OSMR: variants seen among roughly 807,000 people sequenced by gnomAD.
OSMR encodes the protein oncostatin-M-specific receptor subunit beta.
In OSMR, 81 loss-of-function variants were observed where a neutral mutation model predicts 99.9. That is an observed-to-expected ratio of 0.81 (90% CI 0.68 to 0.97). OSMR has a LOEUF of 0.97. Ranked by LOEUF, OSMR falls within the 50% of genes least tolerant of loss-of-function variation. The probability of loss-of-function intolerance (pLI) is 0.00; values close to 1 mark genes in which losing one functional copy is unlikely to be tolerated. For missense variants in OSMR, 1,099 were observed against 1,153.4 expected (o/e 0.95, Z 0.68); for synonymous variants, 406 against 410.4 (o/e 0.99, Z 0.13).
chr5:38,887,920 C>T (rs1161178070), intron 7 of OSMR, among the ~76,000 whole-genome samples: 3 of 152,144 alleles, frequency 2.0e-5, no homozygotes, highest in Admixed American at 6.5e-5. Flanking sequence ...GCTACTGATA[C>T]GGCTCCAATG....
chr5:38,941,782 C>G, intron 1 of OSMR: 1 of 232,736 alleles, frequency 4.3e-6, no homozygotes, highest in Non-Finnish European at 8.5e-6. Flanking sequence ...TTAAGAAAAA[C>G]GTGAAAGGGC....
At chr5:38,880,886 C>G in intron 3 of OSMR, among the ~76,000 whole-genome samples, 1 of 152,306 alleles carries the variant, frequency 6.6e-6, no homozygotes, top group East Asian at 1.9e-4. Context: ...AAGGCTGTGT[C>G]AAAAGCCCAA....
intron 14 of OSMR, 36 bp from the exon 15 acceptor site, chr5:38,925,168 T>C: frequency 6.2e-7 from 1 of 1,612,856 alleles, no homozygotes; most frequent in Non-Finnish European, 8.5e-7. Context: ...AAAATCTTTT[T>C]TTTCCTTGAA....
Position 38,876,485 on chromosome 5 carries a change from A to G in OSMR, c.246+112A>G. ...CGTTTTGGAAATATATTAGCAGCTC[A>G]AAACAGTTTGTCTAAACAATTACAT... On this transcript the variant is annotated intron_variant, in intron 3 of 17. Transcript: ENST00000274276. 3 of 794,178 alleles carry G rather than the reference A, an allele frequency of 3.8e-6. No individual in the cohort carries two copies. In the Admixed American group the frequency reaches 6.7e-5, roughly 18 times the overall value. The allele number at this position is 794,178 out of a possible 1,614,324, so 49.2% of individuals were successfully genotyped here. A position where few individuals can be genotyped will look rare whatever the true frequency, so the allele number is the denominator to read the frequency against.
At chr5:38,859,405 C>A (rs752155198) in intron 1 of OSMR, among the ~76,000 whole-genome samples, 7 of 152,074 alleles carry the variant, frequency 4.6e-5, no homozygotes, top group Non-Finnish European at 7.4e-5. Context: ...AATCATTTGG[C>A]TGTAAAAATG....
intron 1 of OSMR, chr5:38,943,074 G>A: frequency 4.2e-6 from 3 of 721,852 alleles, no homozygotes; most frequent in South Asian, 1.9e-5. Flanking sequence ...TACAGATATG[G>A]ATTAGATGGC....
At chr5:38,898,978 A>G (rs1170715742) in intron 7 of OSMR, among the ~76,000 whole-genome samples, 1 of 64,002 alleles carries the variant, frequency 1.6e-5, no homozygotes, top group Non-Finnish European at 2.6e-5. Flanking sequence ...TTTTTTTGAG[A>G]CAGAGTCTCA....
Position 38,881,670 on chromosome 5 carries a change from C to T in OSMR, c.324C>T (p.Ala108=). 1.2e-6 allele frequency: 2 copies of T among 1,614,202 alleles called. No homozygotes were observed. Among genetic ancestry groups the T allele is most frequent in the Non-Finnish European group, 1.7e-6 (2 of 1,180,024 alleles). ...AATCTGAGCTCCCTTTGGAATGTGC[C>T]ACACACTTTGTAAGAATAAAGAGTT... The part of the protein sequence containing the change: ...SWESELPLEC[A]THFVRIKSLV... Residue 108 remains alanine, a synonymous_variant, in exon 4 of 18, where the codon GCC becomes GCT. Transcript: ENST00000274276.
intron 1 of OSMR, among the ~76,000 whole-genome samples, chr5:38,868,659 C>G (rs1399159462): frequency 6.6e-6 from 1 of 152,192 alleles, no homozygotes; most frequent in South Asian, 2.1e-4. Context: ...CCAATTAAAC[C>G]TCTTTTTCTT....
chr5:38,893,829 C>T (rs966935739), intron 7 of OSMR, among the ~76,000 whole-genome samples: 1 of 152,116 alleles, frequency 6.6e-6, no homozygotes, highest in Admixed American at 6.5e-5. Context: ...CCAGAGAACA[C>T]CTGCTGGATT....
intron 1 of OSMR, among the ~76,000 whole-genome samples, chr5:38,851,446 C>T (rs1417275290): frequency 6.6e-6 from 1 of 152,086 alleles, no homozygotes; most frequent in Non-Finnish European, 1.5e-5. Context: ...TAACTGTAGG[C>T]ACAGAGCCTT....
In OSMR at chr5:38,921,709, C is replaced by T. The variant is rs151136223; in HGVS notation, c.1680C>T (p.Asp560=). The T allele has an allele frequency of 2.5e-5, 41 of 1,613,996 alleles. No individual in the cohort carries two copies. The African/African-American group carries it at 4.5e-4, about 18-fold the overall frequency. ...QPGDVIGYVV[D]WCDHTQDVLG... is the part of the protein sequence containing the mutation. ...GAGATGTTATAGGCTATGTTGTGGACTGGTGTGACCATACCCAGGATGTGC... is the reference window on the plus strand; with the variant it reads ...GAGATGTTATAGGCTATGTTGTGGATTGGTGTGACCATACCCAGGATGTGC... Residue 560 remains aspartate (D), a synonymous_variant, in exon 12 of 18, where the codon GAC becomes GAT. Transcript: ENST00000274276.
rs554177452 is a variant in OSMR at position 38,864,979 on chromosome 5, G to A, written c.-13-4053G>A. 3.0e-4 allele frequency among the ~76,000 whole-genome samples: 46 copies of A among 152,000 alleles called. No individual in the cohort carries two copies. In the East Asian group the frequency reaches 3.7e-3, roughly 12 times the overall value. ...CTCTGTCTTTCTCTCTCTGTCTGTCGCTTTTATGACTGAGTTATTTCAAAA... is the reference window on the plus strand; with the variant it reads ...CTCTGTCTTTCTCTCTCTGTCTGTCACTTTTATGACTGAGTTATTTCAAAA... On this transcript the variant is annotated intron_variant, in intron 1 of 17. Transcript: ENST00000274276.
At chr5:38,880,009 G>C (rs971330274) in intron 3 of OSMR, among the ~76,000 whole-genome samples, 11 of 152,104 alleles carry the variant, frequency 7.2e-5, no homozygotes, top group Non-Finnish European at 1.2e-4. Context: ...CATATTTTGT[G>C]ATCTAGGAGT....
chr5:38,942,820 TA>T, intron 1 of OSMR: 2 of 1,566,358 alleles, frequency 1.3e-6, no homozygotes, highest in Non-Finnish European at 1.8e-6. Context: ...TGAGAAGTAC[TA>T]ATCATACTTA....
Position 38,904,487 on chromosome 5 carries a change from C to T in OSMR, c.1269C>T (p.Phe423=). The part of the protein sequence containing the change: ...WKWSEWSGQN[F]TTLEAAPSEA... Reference sequence around the variant, plus strand: ...GGAGTGAATGGAGTGGTCAGAACTTCACCACACTTGAAGCTGGTATGTTCA... The same window carrying T: ...GGAGTGAATGGAGTGGTCAGAACTTTACCACACTTGAAGCTGGTATGTTCA... Residue 423 remains phenylalanine, a synonymous_variant, in exon 9 of 18, where the codon TTC becomes TTT. Coordinates refer to ENST00000274276, the MANE Select transcript of OSMR (RefSeq NM_003999.3). The T allele has an allele frequency of 6.2e-7, 1 of 1,614,144 alleles. No individual in the cohort carries two copies. The highest frequency in any genetic ancestry group is 8.5e-7 in the Non-Finnish European group (1 of 1,180,038).
At chr5:38,861,885 ACCTC>A (rs1279959548) in intron 1 of OSMR, among the ~76,000 whole-genome samples, 11 of 99,298 alleles carry the variant, frequency 1.1e-4, no homozygotes, top group African/African-American at 3.5e-4. Context: ...TGACCCCCCC[ACCTC>A]CCTCCCGGAC....
At chr5:38,931,671 C>T (rs961297221) in intron 15 of OSMR, 15 of 383,830 alleles carry the variant, frequency 3.9e-5, no homozygotes, top group African/African-American at 1.8e-4. Flanking sequence ...TTGAGACACA[C>T]GGTGTTGATG....
intron 7 of OSMR, among the ~76,000 whole-genome samples, chr5:38,895,461 C>G (rs1405830222): frequency 6.6e-6 from 1 of 152,030 alleles, no homozygotes; most frequent in African/African-American, 2.4e-5. Context: ...CTATTCAGGT[C>G]TTTTGACCAT....
Sources: allele counts gnomAD v4.1 joint callset (sites outside exome capture counted in the v4.1 genomes callset), GRCh38; gene constraint gnomAD v4.1.1; transcripts MANE v1.5; gene names NCBI Gene and HGNC (gene_info 2026-07-23, HGNC 2026-07-21).